The following ADAMTS17 variants were observed in gnomAD, a reference collection of about 807,000 sequenced individuals.
ADAMTS17 encodes ADAM metallopeptidase with thrombospondin type 1 motif 17.
In ADAMTS17, 113 loss-of-function variants were observed where a neutral mutation model predicts 141.5. The observed-to-expected ratio is 0.80, with a 90% CI of 0.69 to 0.93. The LOEUF is 0.93. Among genes scored for constraint, ADAMTS17 ranks in the 40% least tolerant of loss-of-function variants. ADAMTS17 has a pLI of 0.00. For missense variants in ADAMTS17, 1,659 were observed against 1,517.9 expected (o/e 1.09, Z -1.54); for synonymous variants, 768 against 630.6 (o/e 1.22, Z -3.27).
chr15:100,233,198 C>T (rs1440012215), intron 7 of ADAMTS17, among the ~76,000 whole-genome samples: 3 of 152,152 alleles, frequency 2.0e-5, no homozygotes, highest in East Asian at 1.9e-4. Context: ...GGCGTGGGGA[C>T]GGACGCCTGT....
At chr15:100,301,138 C>T (rs1386799793) in intron 3 of ADAMTS17, among the ~76,000 whole-genome samples, 1 of 152,138 alleles carries the variant, frequency 6.6e-6, no homozygotes, top group Admixed American at 6.5e-5. Flanking sequence ...AGTTTTACCA[C>T]CTTTTAAGTT....
intron 8 of ADAMTS17, among the ~76,000 whole-genome samples, chr15:100,195,698 T>C (rs989160473): frequency 6.6e-6 from 1 of 150,382 alleles, no homozygotes; most frequent in African/African-American, 2.4e-5. Flanking sequence ...TACTCGAGTG[T>C]CCTAGGGAAC....
At chr15:100,170,884 G>A (rs12441086) in intron 8 of ADAMTS17, among the ~76,000 whole-genome samples, 5,695 of 152,240 alleles carry the variant, frequency 0.037, 180 homozygotes, top group East Asian at 0.17. Context: ...AGCAGGAGAA[G>A]GCCTGGCTGG....
intron 15 of ADAMTS17, among the ~76,000 whole-genome samples, chr15:100,060,836 C>A (rs1267520704): frequency 1.3e-5 from 2 of 152,188 alleles, no homozygotes; most frequent in African/African-American, 4.8e-5. Flanking sequence ...TTGCTCCCAG[C>A]AAATGTGAGA....
intron 14 of ADAMTS17, among the ~76,000 whole-genome samples, chr15:100,102,932 C>T (rs976098795): frequency 6.6e-5 from 10 of 152,212 alleles, no homozygotes; most frequent in African/African-American, 1.9e-4. Context: ...CCACAGCTCT[C>T]GGTTTGGGCT....
chr15:100,331,169 G>T lies in ADAMTS17; in HGVS notation c.451-115C>A, dbSNP rs573772843. On this transcript the variant is annotated intron_variant, in intron 2 of 21. Coordinates refer to ENST00000268070, the MANE Select transcript of ADAMTS17 (RefSeq NM_139057.4). Reference sequence around the variant, plus strand: ...CTGTGATTTGGTTTTCCAGGTCTGGGCTCGTTTCTTTGCAGATTGGTCAGA... The same window carrying T: ...CTGTGATTTGGTTTTCCAGGTCTGGTCTCGTTTCTTTGCAGATTGGTCAGA... 8 of 1,356,492 alleles carry T rather than the reference G, an allele frequency of 5.9e-6. No homozygotes were observed. The East Asian group carries it at 1.0e-4, about 17-fold the overall frequency. 84.0% of individuals were successfully genotyped at this position (1,356,492 alleles called of 1,614,324 possible).
intron 10 of ADAMTS17, among the ~76,000 whole-genome samples, chr15:100,143,956 C>T (rs761987830): frequency 3.3e-5 from 5 of 152,314 alleles, no homozygotes; most frequent in Non-Finnish European, 1.5e-5. Flanking sequence ...GAAAGAAGGT[C>T]CACATTTAAA....
intron 18 of ADAMTS17, among the ~76,000 whole-genome samples, chr15:100,020,452 C>T (rs1422350118): frequency 6.6e-6 from 1 of 152,168 alleles, no homozygotes; most frequent in African/African-American, 2.4e-5. Flanking sequence ...TGGCATGCAG[C>T]TTTACGAGCA....
At chr15:100,090,283 T>A (rs148387015) in intron 15 of ADAMTS17, among the ~76,000 whole-genome samples, 3 of 152,182 alleles carry the variant, frequency 2.0e-5, no homozygotes, top group African/African-American at 4.8e-5. Flanking sequence ...GAATCTCCAC[T>A]CAAACTACCA....
chr15:100,045,626 G>C (rs1443753597), intron 18 of ADAMTS17, among the ~76,000 whole-genome samples: 1 of 152,170 alleles, frequency 6.6e-6, no homozygotes, highest in African/African-American at 2.4e-5. Context: ...GAATTTGGGA[G>C]TCACTCTCTG....
chr15:100,067,563 A>AT (rs112842557), intron 15 of ADAMTS17, among the ~76,000 whole-genome samples: 145 of 150,000 alleles, frequency 9.7e-4, no homozygotes, highest in Admixed American at 5.9e-3. Flanking sequence ...ATTAGTACAC[A>AT]TTTTTTTTTT....
chr15:100,188,530 C>T (rs756200993), intron 8 of ADAMTS17, among the ~76,000 whole-genome samples: 6 of 152,194 alleles, frequency 3.9e-5, no homozygotes, highest in East Asian at 3.8e-4. Flanking sequence ...CCCCATTTCA[C>T]GGGAAACCCC....
chr15:100,043,512 G>C (rs4965557), intron 18 of ADAMTS17, among the ~76,000 whole-genome samples: 44,373 of 152,106 alleles, frequency 0.29, 6,879 homozygotes, highest in East Asian at 0.5. Context: ...TGAGAGCGTG[G>C]TGCCAATATC....
At chr15:100,103,813 T>A (rs1343726777) in intron 14 of ADAMTS17, among the ~76,000 whole-genome samples, 3 of 152,150 alleles carry the variant, frequency 2.0e-5, no homozygotes, top group Non-Finnish European at 4.4e-5. Flanking sequence ...TGACCTTAGA[T>A]AATCCACCTA....
At chr15:100,044,476 T>C (rs1181260261) in intron 18 of ADAMTS17, among the ~76,000 whole-genome samples, 6 of 152,230 alleles carry the variant, frequency 3.9e-5, no homozygotes, top group Admixed American at 2.0e-4. Context: ...ATTTCAGATA[T>C]TGTATTTATT....
At chr15:100,076,185 G>A (rs2034362905) in intron 15 of ADAMTS17, among the ~76,000 whole-genome samples, 1 of 152,088 alleles carries the variant, frequency 6.6e-6, no homozygotes, top group Non-Finnish European at 1.5e-5. Flanking sequence ...TGGGATTACA[G>A]GCGCCCACCA....
At chr15:100,261,194 A>G (rs2043503650) in intron 6 of ADAMTS17, among the ~76,000 whole-genome samples, 1 of 152,250 alleles carries the variant, frequency 6.6e-6, no homozygotes, top group South Asian at 2.1e-4. Flanking sequence ...TGACTGTTAT[A>G]TTTATAGGAA....
Position 100,053,964 on chromosome 15 carries a change from T to TA in ADAMTS17, c.2227dup (p.Tyr743LeufsTer37), listed in dbSNP as rs1429405878. 1 of 1,614,022 alleles carries TA rather than the reference T, an allele frequency of 6.2e-7. No homozygotes were observed. Among genetic ancestry groups the TA allele is most frequent in the Non-Finnish European group, 8.5e-7 (1 of 1,180,024 alleles). Reference sequence around the variant, plus strand: ...CTTCTCCCACAGCCCCCTTCTCACATAGCGAACAGTTGTGCCTGCAATCTG... The same window carrying TA: ...CTTCTCCCACAGCCCCCTTCTCACATAAGCGAACAGTTGTGCCTGCAATCTG... On this transcript the variant is annotated frameshift_variant, in exon 16 of 22. Coordinates refer to ENST00000268070, the MANE Select transcript of ADAMTS17 (RefSeq NM_139057.4). LOFTEE classifies it high-confidence loss of function.
intron 10 of ADAMTS17, among the ~76,000 whole-genome samples, chr15:100,141,032 G>A (rs1056431900): frequency 2.0e-5 from 3 of 152,330 alleles, no homozygotes; most frequent in Admixed American, 1.3e-4. Flanking sequence ...CGCCCCCGGC[G>A]GCAGTGCTTG....
Sources: allele counts gnomAD v4.1 joint callset (sites outside exome capture counted in the v4.1 genomes callset), GRCh38; gene constraint gnomAD v4.1.1; transcripts MANE v1.5; gene names NCBI Gene and HGNC (gene_info 2026-07-23, HGNC 2026-07-21).